Variants in SETDB2 observed in about 807,000 individuals in gnomAD.
SETDB2 encodes SET domain bifurcated histone lysine methyltransferase 2.
Under a neutral mutation model 82.5 loss-of-function variants are expected in SETDB2, and 56 were observed. The observed-to-expected ratio is 0.68, with a 90% CI of 0.55 to 0.85. SETDB2 has a LOEUF of 0.85. Ranked by LOEUF, SETDB2 falls within the 40% of genes least tolerant of loss-of-function variation. SETDB2 has a pLI of 0.00. For missense variants in SETDB2, 677 were observed against 816.4 expected (o/e 0.83, Z 2.08); for synonymous variants, 272 against 284.9 (o/e 0.95, Z 0.46).
chr13:49,460,360 T>A (rs1957968879), intron 3 of SETDB2, 128 bp downstream of exon 3: 8 of 969,146 alleles, frequency 8.3e-6, no homozygotes, highest in Non-Finnish European at 1.1e-5. Flanking sequence ...GAATAATACC[T>A]ACTGAATTTC....
intron 2 of SETDB2, among the ~76,000 whole-genome samples, chr13:49,459,436 A>T (rs891037474): frequency 6.6e-6 from 1 of 152,220 alleles, no homozygotes; most frequent in Non-Finnish European, 1.5e-5. Flanking sequence ...AATTTTATAC[A>T]TTGTAACATT....
At chr13:49,473,818 C>T (rs1958298445) in intron 5 of SETDB2, among the ~76,000 whole-genome samples, 1 of 152,044 alleles carries the variant, frequency 6.6e-6, no homozygotes, top group Non-Finnish European at 1.5e-5. Context: ...TGTTTTATCT[C>T]AGAGAGACAA....
intron 10 of SETDB2, among the ~76,000 whole-genome samples, chr13:49,484,970 G>A (rs1958566209): frequency 6.6e-6 from 1 of 152,186 alleles, no homozygotes; most frequent in Non-Finnish European, 1.5e-5. Context: ...CTGTAAAAAG[G>A]TAATAGTATA....
rs1958583631 is a variant in SETDB2, at chr13:49,485,669, G to C, written c.1522G>C (p.Asp508His). ...SSESVTPEDN[D>H]GFKPPREHLN... ...GGAGTCTGTCACTCCAGAAGATAATGATGGATTTAAACCACCCCGAGAGCA... is the reference window on the plus strand; with the variant it reads ...GGAGTCTGTCACTCCAGAAGATAATCATGGATTTAAACCACCCCGAGAGCA... Residue 508 changes from aspartate to histidine, a missense_variant, in exon 11 of 14, where the codon GAT (aspartate) becomes CAT (histidine). This residue lies in a region of SETDB2 where 420 missense variants were observed against 554.6 expected (regional missense o/e 0.76). Coordinates refer to ENST00000611815, the MANE Select transcript of SETDB2 (RefSeq NM_001160308.3). 1 of 1,613,802 alleles carries C rather than the reference G, an allele frequency of 6.2e-7. No individual in the cohort carries two copies. Among genetic ancestry groups the C allele is most frequent in the African/African-American group, 1.3e-5 (1 of 74,836 alleles).
chr13:49,485,833 G>A, intron 11 of SETDB2, 110 bp downstream of exon 11: 1 of 1,004,320 alleles, frequency 1.0e-6, no homozygotes, highest in Non-Finnish European at 1.6e-6. Context: ...TGCTGCATTT[G>A]TCAGAAAGGT....
At chr13:49,468,086 A>G (rs906647805) in intron 5 of SETDB2, 126 bp downstream of exon 5, 25 of 509,234 alleles carry the variant, frequency 4.9e-5, no homozygotes, top group Non-Finnish European at 7.2e-5. Context: ...TAAAAGTTGT[A>G]TATTTTAGTA....
intron 5 of SETDB2, among the ~76,000 whole-genome samples, chr13:49,471,471 A>G (rs1594157706): frequency 6.8e-6 from 1 of 148,056 alleles, no homozygotes; most frequent in East Asian, 2.0e-4. Context: ...TCAGGAGTAC[A>G]TACCTATTCA....
rs1958366193 is a variant in SETDB2 at position 49,476,502 on chromosome 13, C to G, written c.332C>G (p.Ser111Cys). 5 of 1,592,032 alleles carry G rather than the reference C, an allele frequency of 3.1e-6. No homozygotes were observed. In the African/African-American group the frequency reaches 5.4e-5, roughly 17 times the overall value. ...FLTTENKEIL[S>C]LEDKVVDFRE... is the part of the protein sequence containing the mutation. ...ACAACAGAAAATAAGGAAATTCTCT[C>G]TCTTGAAGATAAAGTTGTAGACTTT... Residue 111 changes from serine (S) to cysteine (C), a missense_variant, in exon 6 of 14, where the codon TCT (serine) becomes TGT (cysteine). Physicochemically the swap from Ser to Cys is moderately radical, Grantham distance 112. This residue lies in a region of SETDB2 where 243 missense variants were observed against 237.2 expected (regional missense o/e 1.02). Coordinates refer to ENST00000611815, the MANE Select transcript of SETDB2 (RefSeq NM_001160308.3).
intron 6 of SETDB2, among the ~76,000 whole-genome samples, chr13:49,479,059 A>G (rs1958426833): frequency 6.6e-6 from 1 of 152,366 alleles, no homozygotes; most frequent in African/African-American, 2.4e-5. Context: ...CAAAAAAAGC[A>G]AGTTATAGAA....
chr13:49,451,828 C>G lies in SETDB2; in HGVS notation c.-66C>G. 3 of 1,296,022 alleles carry G rather than the reference C, an allele frequency of 2.3e-6. No individual in the cohort carries two copies. Among genetic ancestry groups the G allele is most frequent in the African/African-American group, 1.5e-5 (1 of 66,932 alleles). The allele number at this position is 1,296,022 out of a possible 1,614,324, so 80.3% of individuals were successfully genotyped here. A position where few individuals can be genotyped will look rare whatever the true frequency, so the allele number is the denominator to read the frequency against. ...ACCACAGTTGGATTCCAGTGATATT[C>G]TGCAATCAAAGTGATTTGATAAACC... On this transcript the variant is annotated 5_prime_UTR_variant, in exon 2 of 14. Transcript: ENST00000611815.
intron 5 of SETDB2, among the ~76,000 whole-genome samples, chr13:49,471,770 A>G (rs1958246555): frequency 6.6e-6 from 1 of 151,814 alleles, no homozygotes; most frequent in Non-Finnish European, 1.5e-5. Context: ...TAGGAACTTA[A>G]AAGTCAATAC....
rs1958729034 is a variant in SETDB2 at position 49,492,347 on chromosome 13, C to G, written c.*498C>G. 6.2e-6 allele frequency: 1 copy of G among 160,186 alleles called. No homozygotes were observed. Among genetic ancestry groups the G allele is most frequent in the African/African-American group, 2.4e-5 (1 of 41,442 alleles). 9.9% of individuals were successfully genotyped at this position (160,186 alleles called of 1,614,324 possible). A position where few individuals can be genotyped will look rare whatever the true frequency, so the allele number is the denominator to read the frequency against. The stretch of plus-strand genomic sequence containing the variant: ...GGATCTAATTTTATGCATATTACTC[C>G]CAAGTATTTTAACACTTGTTGGAGA... On this transcript the variant is annotated 3_prime_UTR_variant, in exon 14 of 14. Coordinates refer to ENST00000611815, the MANE Select transcript of SETDB2 (RefSeq NM_001160308.3).
intron 2 of SETDB2, among the ~76,000 whole-genome samples, chr13:49,455,815 G>A (rs893212440): frequency 6.6e-6 from 1 of 151,756 alleles, no homozygotes; most frequent in Non-Finnish European, 1.5e-5. Context: ...TAGTTTACAA[G>A]TTGAACAATC....
intron 1 of SETDB2, among the ~76,000 whole-genome samples, chr13:49,446,723 CTTG>C (rs1957697676): frequency 6.6e-6 from 1 of 152,082 alleles, no homozygotes; most frequent in African/African-American, 2.4e-5. Context: ...TTTTATTGGT[CTTG>C]TTGTTAAATC....
In SETDB2 at chr13:49,483,579, T is replaced by C; in HGVS notation, c.1482+16T>C. ...GAAAAAAATGGTAAAAAATGCAAAA[T>C]GTAGTTGGGACCCTTCTTTTCTTTT... On this transcript the variant is annotated intron_variant, in intron 10 of 13. Transcript: ENST00000611815. 9.4e-7 allele frequency: 1 copy of C among 1,066,562 alleles called. No individual in the cohort carries two copies. Among genetic ancestry groups the C allele is most frequent in the South Asian group, 1.6e-5 (1 of 63,814 alleles). The allele number at this position is 1,066,562 out of a possible 1,614,324, so 66.1% of individuals were successfully genotyped here. A position where few individuals can be genotyped will look rare whatever the true frequency, so the allele number is the denominator to read the frequency against.
chr13:49,482,687 T>C (rs1958503434), intron 8 of SETDB2, 50 bp from the exon 9 acceptor site: 1 of 1,181,908 alleles, frequency 8.5e-7, no homozygotes, highest in African/African-American at 1.5e-5. Flanking sequence ...CTGTTTATCA[T>C]TAGCAATTAT....
At chr13:49,478,922 T>G (rs541960069) in intron 6 of SETDB2, among the ~76,000 whole-genome samples, 131 of 152,142 alleles carry the variant, frequency 8.6e-4, no homozygotes, top group African/African-American at 3.2e-3. Flanking sequence ...GTGAGACCCC[T>G]TCTCAAAAAA....
chr13:49,471,850 A>G (rs888824753), intron 5 of SETDB2, among the ~76,000 whole-genome samples: 1 of 150,190 alleles, frequency 6.7e-6, no homozygotes, highest in African/African-American at 2.4e-5. Flanking sequence ...CTCTTCCCAC[A>G]TGACCAAACA....
intron 11 of SETDB2, among the ~76,000 whole-genome samples, chr13:49,487,358 C>T (rs1958617733): frequency 6.6e-6 from 1 of 151,848 alleles, no homozygotes; most frequent in Non-Finnish European, 1.5e-5. Context: ...TAAAGAGAGA[C>T]AGCGACTCAT....
Sources: allele counts gnomAD v4.1 joint callset (sites outside exome capture counted in the v4.1 genomes callset), GRCh38; gene constraint gnomAD v4.1.1; regional missense constraint gnomAD v4.1.1; transcripts MANE v1.5; gene names NCBI Gene and HGNC (gene_info 2026-07-23, HGNC 2026-07-21).